CPS1: variants seen among roughly 807,000 people sequenced by gnomAD.
CPS1 encodes carbamoyl-phosphate synthase 1.
CPS1 carries 109 observed loss-of-function variants against 174.6 expected under a neutral mutation model. The observed-to-expected ratio is 0.62, with a 90% CI of 0.53 to 0.73. The LOEUF is 0.73. Ranked by LOEUF, CPS1 falls within the 30% of genes least tolerant of loss-of-function variation. CPS1 has a pLI of 0.00. For synonymous variants in CPS1, 637 were observed against 632.0 expected, an observed-to-expected ratio of 1.01 and a Z score of -0.12; for missense variants, 1,689 against 1,821.9, an observed-to-expected ratio of 0.93 and a Z score of 1.33.
At position 210,612,101 on chromosome 2, in the gene CPS1, TA is replaced by T; in HGVS notation, c.2392-13del. 6.2e-7 allele frequency: 1 copy of T among 1,610,890 alleles called. No individual in the cohort carries two copies. Among genetic ancestry groups the T allele is most frequent in the Non-Finnish European group, 8.5e-7 (1 of 1,177,742 alleles). On this transcript the variant is annotated splice_polypyrimidine_tract_variant and intron_variant, in intron 19 of 37. Transcript: ENST00000233072. ...AGCTCTTTCTTTCAATATGAGGTCT[TA>T]AACATGTATTACAGGTCATGGCTAT...
intron 2 of CPS1, among the ~76,000 whole-genome samples, chr2:210,574,978 T>G (rs1010427919): frequency 5.3e-5 from 8 of 152,112 alleles, no homozygotes; most frequent in African/African-American, 1.9e-4. Context: ...CCTCACTCAG[T>G]AAGGTGGTTG....
intron 34 of CPS1, 108 bp from the exon 35 acceptor site, chr2:210,674,794 T>C (rs1242466678): frequency 1.1e-6 from 1 of 922,966 alleles, no homozygotes; most frequent in Non-Finnish European, 1.8e-6. Flanking sequence ...ATATAAAGCA[T>C]CCGGCAACAT....
chr2:210,571,023 A>G (rs1395007268), intron 1 of CPS1, among the ~76,000 whole-genome samples: 1 of 152,002 alleles, frequency 6.6e-6, no homozygotes, highest in Non-Finnish European at 1.5e-5. Context: ...ATTTAGAATC[A>G]GAATAGCACA....
At chr2:210,486,231 T>C (rs1574459743) in intron 1 of CPS1, among the ~76,000 whole-genome samples, 2 of 151,758 alleles carry the variant, frequency 1.3e-5, no homozygotes, top group Non-Finnish European at 2.9e-5. Flanking sequence ...GCTTTTAAAT[T>C]GGGATGTTTA....
intron 1 of CPS1, among the ~76,000 whole-genome samples, chr2:210,527,333 T>G (rs1193765794): frequency 1.3e-5 from 2 of 151,908 alleles, no homozygotes; most frequent in Non-Finnish European, 2.9e-5. Flanking sequence ...GATGGAACAT[T>G]ATGCACATAT....
intron 7 of CPS1, 88 bp downstream of exon 7, chr2:210,588,235 G>A: frequency 8.7e-7 from 1 of 1,153,404 alleles, no homozygotes; most frequent in Non-Finnish European, 1.3e-6. Flanking sequence ...AGAAACTTAT[G>A]CATTCTTTCA....
At chr2:210,502,540 T>C (rs1386396823) in intron 1 of CPS1, among the ~76,000 whole-genome samples, 2 of 149,972 alleles carry the variant, frequency 1.3e-5, no homozygotes, top group African/African-American at 2.4e-5. Context: ...TATATACATA[T>C]AATGTTAAAA....
intron 1 of CPS1, among the ~76,000 whole-genome samples, chr2:210,564,642 C>T (rs1379124809): frequency 6.6e-6 from 1 of 152,184 alleles, no homozygotes; most frequent in Non-Finnish European, 1.5e-5. Context: ...TCCCAAAGTG[C>T]TGGGATTACA....
chr2:210,660,422 T>A, intron 31 of CPS1, 63 bp from the exon 32 acceptor site: 1 of 1,491,962 alleles, frequency 6.7e-7, no homozygotes, highest in Non-Finnish European at 9.4e-7. Context: ...GTAGAGAGAA[T>A]ATTAATATTG....
At position 210,577,468 on chromosome 2, in the gene CPS1, G is replaced by T. The variant is rs934592598; in HGVS notation, c.429G>T (p.Trp143Cys). Reference sequence around the variant, plus strand: ...ATTATAGTAAAGACTACAACCACTGGCTGGCTACCAAGAGTTTAGGGCAAT... The same window carrying T: ...ATTATAGTAAAGACTACAACCACTGTCTGGCTACCAAGAGTTTAGGGCAAT... The part of the protein sequence containing the change: ...VLDYSKDYNH[W>C]LATKSLGQWL... Residue 143 changes from tryptophan to cysteine, a missense_variant, in exon 4 of 38, where the codon TGG (tryptophan) becomes TGT (cysteine). By Grantham distance (215) the Trp-to-Cys change is radical. Coordinates refer to ENST00000233072, the MANE Select transcript of CPS1 (RefSeq NM_001875.5). 1 of 1,613,844 alleles carries T rather than the reference G, an allele frequency of 6.2e-7. No individual in the cohort carries two copies.
At chr2:210,508,660 G>A (rs1253008833) in intron 1 of CPS1, among the ~76,000 whole-genome samples, 2 of 152,052 alleles carry the variant, frequency 1.3e-5, no homozygotes, top group African/African-American at 4.8e-5. Flanking sequence ...AAACAGAGAA[G>A]AATCAAATAG....
At chr2:210,674,565 T>A in intron 34 of CPS1, 1 of 289,574 alleles carries the variant, frequency 3.5e-6, no homozygotes. Flanking sequence ...AACCCGCATA[T>A]CTTTTAAGTC....
chr2:210,647,971 G>T lies in CPS1; in HGVS notation c.3250G>T (p.Asp1084Tyr). The T allele has an allele frequency of 6.2e-7, 1 of 1,614,034 alleles. No homozygotes were observed. Among genetic ancestry groups the T allele is most frequent in the Non-Finnish European group, 8.5e-7 (1 of 1,179,952 alleles). Reference sequence around the variant, plus strand: ...CATGGGCACAAGCCCCCTGCAGATCGACAGGGCTGAGGATCGCTCCATCTT... The same window carrying T: ...CATGGGCACAAGCCCCCTGCAGATCTACAGGGCTGAGGATCGCTCCATCTT... ...KIMGTSPLQI[D>Y]RAEDRSIFSA... The change falls in exon 26 of 38, where the codon GAC becomes TAC. Residue 1084 changes from aspartate (D) to tyrosine (Y), a missense_variant. Transcript: ENST00000233072.
intron 1 of CPS1, among the ~76,000 whole-genome samples, chr2:210,522,433 A>G (rs1695852134): frequency 6.6e-6 from 1 of 152,010 alleles, no homozygotes; most frequent in Admixed American, 6.6e-5. Context: ...TTTGCAAGTC[A>G]GAAATCTGAC....
chr2:210,583,074 G>A (rs1183433830), intron 6 of CPS1, among the ~76,000 whole-genome samples: 1 of 152,088 alleles, frequency 6.6e-6, no homozygotes, highest in East Asian at 1.9e-4. Context: ...CTGCCAGAGA[G>A]CCAAGAGAAT....
intron 1 of CPS1, among the ~76,000 whole-genome samples, chr2:210,543,596 G>A (rs1378858422): frequency 6.6e-6 from 1 of 152,016 alleles, no homozygotes; most frequent in East Asian, 1.9e-4. Context: ...TAGCAAAACA[G>A]CCTACTTTAT....
At chr2:210,503,809 G>A (rs141085501) in intron 1 of CPS1, among the ~76,000 whole-genome samples, 2,497 of 151,792 alleles carry the variant, frequency 0.016, 54 homozygotes, top group African/African-American at 0.051. Flanking sequence ...ATTTTATGCC[G>A]TATCAGGGAA....
intron 21 of CPS1, among the ~76,000 whole-genome samples, chr2:210,630,086 A>G (rs1699820642): frequency 1.5e-5 from 2 of 129,528 alleles, no homozygotes; most frequent in Admixed American, 1.5e-4. Context: ...AAACAAAAAA[A>G]CAAAACAAAA....
chr2:210,670,087 A>C (rs1701246321), intron 34 of CPS1, among the ~76,000 whole-genome samples: 1 of 152,154 alleles, frequency 6.6e-6, no homozygotes. Flanking sequence ...TAAAGTAGTG[A>C]GAGCTGGCTA....
Sources: gnomAD v4.1 joint callset for allele counts (sites outside exome capture counted in the v4.1 genomes callset) on GRCh38, gnomAD v4.1.1 for gene constraint, MANE v1.5 for transcripts, NCBI Gene and HGNC (gene_info 2026-07-23, HGNC 2026-07-21) for gene names.